PLXDC2: variants seen among roughly 807,000 people sequenced by gnomAD.
PLXDC2 encodes plexin domain containing 2, also known as plexin domain-containing protein 2.
Under a neutral mutation model 68.9 loss-of-function variants are expected in PLXDC2, and 40 were observed. That is an observed-to-expected ratio of 0.58 (90% CI 0.45 to 0.76). The LOEUF is 0.76. Ranked by LOEUF, PLXDC2 falls within the 30% of genes least tolerant of loss-of-function variation. The pLI is 0.00. For missense variants in PLXDC2, 644 were observed against 661.9 expected (o/e 0.97, Z 0.30); for synonymous variants, 243 against 234.2 (o/e 1.04, Z -0.34).
chr10:19,901,432 G>T (rs1838158942), intron 1 of PLXDC2, among the ~76,000 whole-genome samples: 2 of 152,154 alleles, frequency 1.3e-5, no homozygotes, highest in Non-Finnish European at 2.9e-5. Flanking sequence ...AATTGGTGAT[G>T]TTGAGCATTT....
At chr10:20,175,043 G>A (rs1262397139) in intron 7 of PLXDC2, among the ~76,000 whole-genome samples, 2 of 152,016 alleles carry the variant, frequency 1.3e-5, no homozygotes, top group Non-Finnish European at 2.9e-5. Flanking sequence ...ATTACTAGAA[G>A]TTTGATTCCA....
At chr10:20,151,527 C>G (rs1834152431) in intron 6 of PLXDC2, among the ~76,000 whole-genome samples, 1 of 151,998 alleles carries the variant, frequency 6.6e-6, no homozygotes, top group African/African-American at 2.4e-5. Flanking sequence ...AAGAATAAAT[C>G]CAGAATTTAA....
intron 1 of PLXDC2, among the ~76,000 whole-genome samples, chr10:19,985,353 G>T (rs1468283068): frequency 6.6e-6 from 1 of 152,116 alleles, no homozygotes; most frequent in African/African-American, 2.4e-5. Flanking sequence ...GGTTATTTTT[G>T]CTCTTCCATG....
rs986657792 is a variant in PLXDC2 at position 20,287,981 on chromosome 10, G to C, written c.*8162G>C. 1.1e-5 allele frequency: 1 copy of C among 93,570 alleles called. No homozygotes were observed. The highest frequency in any genetic ancestry group is 2.2e-5 in the Non-Finnish European group (1 of 44,756). The allele number at this position is 93,570 out of a possible 1,614,324, so 5.8% of individuals were successfully genotyped here. On this transcript the variant is annotated 3_prime_UTR_variant, in exon 14 of 14. Coordinates refer to ENST00000377252, the MANE Select transcript of PLXDC2 (RefSeq NM_032812.9). Reference sequence around the variant, plus strand: ...AAGAAATTGGGCACTTCTTGCGGCGGGGGAGGGGGGGGGGGCGGTGGCTTT... The same window carrying C: ...AAGAAATTGGGCACTTCTTGCGGCGCGGGAGGGGGGGGGGGCGGTGGCTTT...
chr10:19,980,189 T>C (rs1447916281), intron 1 of PLXDC2, among the ~76,000 whole-genome samples: 2 of 152,220 alleles, frequency 1.3e-5, no homozygotes, highest in East Asian at 3.8e-4. Flanking sequence ...TTCTTGTTTG[T>C]TTGACATTTC....
intron 4 of PLXDC2, among the ~76,000 whole-genome samples, chr10:20,104,623 T>C (rs1833465611): frequency 6.6e-6 from 1 of 152,198 alleles, no homozygotes; most frequent in Admixed American, 6.5e-5. Context: ...TACATAAATG[T>C]CCTATATATA....
intron 4 of PLXDC2, among the ~76,000 whole-genome samples, chr10:20,138,240 C>G (rs1451146705): frequency 6.6e-6 from 1 of 152,124 alleles, no homozygotes; most frequent in Admixed American, 6.5e-5. Context: ...ACTTTAAAGT[C>G]GCAGTTTCCA....
At chr10:19,906,785 G>C (rs1833169441) in intron 1 of PLXDC2, among the ~76,000 whole-genome samples, 1 of 152,092 alleles carries the variant, frequency 6.6e-6, no homozygotes, top group South Asian at 2.1e-4. Flanking sequence ...TTTTAAATGA[G>C]GTGGTCAGAG....
At chr10:20,057,976 A>G (rs1589608804) in intron 3 of PLXDC2, among the ~76,000 whole-genome samples, 1 of 152,186 alleles carries the variant, frequency 6.6e-6, no homozygotes, top group South Asian at 2.1e-4. Flanking sequence ...CTATTCTTTC[A>G]TTTGGGATGA....
rs548065646 is a variant in PLXDC2 at position 19,820,484 on chromosome 10, A to T, written c.112+3293A>T. On this transcript the variant is annotated intron_variant, in intron 1 of 13. Transcript: ENST00000377252. ...GTCTCTACTAAAAATACAAAAAAAA[A>T]TTAGCCGGGCGCGGTGGCGGGCGCC... 3.3e-5 allele frequency among the ~76,000 whole-genome samples: 5 copies of T among 151,622 alleles called. No homozygotes were observed. In the South Asian group the frequency reaches 1.0e-3, roughly 32 times the overall value.
At chr10:19,865,581 A>G (rs1400607070) in intron 1 of PLXDC2, among the ~76,000 whole-genome samples, 1 of 152,120 alleles carries the variant, frequency 6.6e-6, no homozygotes, top group Non-Finnish European at 1.5e-5. Flanking sequence ...CTCAGGGTAT[A>G]ATGGGTAGTA....
At chr10:20,023,114 A>G (rs1835340618) in intron 2 of PLXDC2, among the ~76,000 whole-genome samples, 1 of 133,470 alleles carries the variant, frequency 7.5e-6, no homozygotes, top group South Asian at 2.4e-4. Flanking sequence ...TTAAATATAT[A>G]TGTTTATATA....
chr10:20,162,436 G>T (rs1361458363), intron 6 of PLXDC2, among the ~76,000 whole-genome samples: 1 of 152,154 alleles, frequency 6.6e-6, no homozygotes, highest in East Asian at 1.9e-4. Context: ...GAGGAAAACT[G>T]AACTCACAGA....
intron 4 of PLXDC2, among the ~76,000 whole-genome samples, chr10:20,132,220 T>C (rs1211981460): frequency 3.3e-5 from 5 of 151,596 alleles, no homozygotes; most frequent in African/African-American, 1.2e-4. Flanking sequence ...TACTTGGTAT[T>C]ACTTAAATCT....
intron 1 of PLXDC2, among the ~76,000 whole-genome samples, chr10:19,934,892 T>G (rs531857373): frequency 5.2e-4 from 78 of 149,158 alleles, no homozygotes; most frequent in African/African-American, 1.7e-3. Flanking sequence ...TCACTGGCTT[T>G]TTAGTAAAAA....
Position 19,837,222 on chromosome 10 carries a change from AG to A in PLXDC2, c.112+20032del, listed in dbSNP as rs199603317. ...TCCTCACCAGGTTGAAGTAAAAAAA[AG>A]AAATGAAGTGAAATATCAAGCTTAT... On this transcript the variant is annotated intron_variant, in intron 1 of 13. Coordinates refer to ENST00000377252, the MANE Select transcript of PLXDC2 (RefSeq NM_032812.9). 4.3e-3 allele frequency among the ~76,000 whole-genome samples: 652 copies of A among 150,952 alleles called. 2 individuals carry two copies. Among genetic ancestry groups the A allele is most frequent in the African/African-American group, 0.014 (572 of 41,178 alleles).
intron 12 of PLXDC2, among the ~76,000 whole-genome samples, chr10:20,224,975 G>C (rs139615018): frequency 6.6e-6 from 1 of 152,230 alleles, no homozygotes; most frequent in African/African-American, 2.4e-5. Flanking sequence ...TCAGAGAATG[G>C]TGTCCCCATC....
At chr10:20,079,659 C>G (rs1836515112) in intron 4 of PLXDC2, among the ~76,000 whole-genome samples, 1 of 152,138 alleles carries the variant, frequency 6.6e-6, no homozygotes, top group African/African-American at 2.4e-5. Flanking sequence ...TGGAAGCCAT[C>G]ATTCTCAGCA....
chr10:19,917,879 G>A (rs994579690), intron 1 of PLXDC2, among the ~76,000 whole-genome samples: 7 of 152,270 alleles, frequency 4.6e-5, no homozygotes, highest in African/African-American at 1.7e-4. Flanking sequence ...ACACAATCAT[G>A]ATCAGTTTTT....
Sources: allele counts gnomAD v4.1 joint callset (sites outside exome capture counted in the v4.1 genomes callset), GRCh38; gene constraint gnomAD v4.1.1; transcripts MANE v1.5; gene names NCBI Gene and HGNC (gene_info 2026-07-23, HGNC 2026-07-21).